The following CNTN5 variants were observed in gnomAD, a reference collection of about 807,000 sequenced individuals.
CNTN5 encodes the protein contactin-5.
In CNTN5, 77 loss-of-function variants were observed where a neutral mutation model predicts 129.1. The ratio of observed to expected loss-of-function variants is 0.60; its 90% CI spans 0.50 to 0.72. The LOEUF (loss-of-function observed/expected upper bound fraction) is 0.72. Ranked by LOEUF, CNTN5 falls within the 30% of genes least tolerant of loss-of-function variation. CNTN5 has a pLI of 0.00. For synonymous variants in CNTN5, 509 were observed against 465.6 expected (o/e 1.09, Z -1.20); for missense variants, 1,478 against 1,328.8 (o/e 1.11, Z -1.75).
At chr11:99,707,516 TAATAACAAACTAAAAATCAA>T (rs1165731329) in intron 3 of CNTN5, among the ~76,000 whole-genome samples, 1 of 151,736 alleles carries the variant, frequency 6.6e-6, no homozygotes, top group Admixed American at 6.6e-5. Flanking sequence ...GGAGTGAAGA[TAATAACAAACTAAAAATCAA>T]AATATCTAGG....
intron 3 of CNTN5, among the ~76,000 whole-genome samples, chr11:99,801,881 T>C (rs1029684716): frequency 1.3e-5 from 2 of 152,216 alleles, no homozygotes; most frequent in South Asian, 4.1e-4. Context: ...CTTTGGACTT[T>C]CTTGCAATCC....
At chr11:99,640,766 T>G (rs1951741381) in intron 3 of CNTN5, among the ~76,000 whole-genome samples, 1 of 152,212 alleles carries the variant, frequency 6.6e-6, no homozygotes, top group Non-Finnish European at 1.5e-5. Context: ...CCTAGGTTTG[T>G]GTAAGTATAC....
intron 7 of CNTN5, among the ~76,000 whole-genome samples, chr11:99,945,211 A>C (rs2136126200): frequency 6.6e-6 from 1 of 152,160 alleles, no homozygotes; most frequent in Middle Eastern, 3.4e-3. Context: ...GAGTAAAACT[A>C]CTCCTAAACT....
chr11:100,315,776 T>C (rs1261176925), intron 21 of CNTN5, among the ~76,000 whole-genome samples: 1 of 152,190 alleles, frequency 6.6e-6, no homozygotes, highest in Non-Finnish European at 1.5e-5. Flanking sequence ...CAACATCCGC[T>C]TAGAACCACC....
chr11:100,278,108 T>A (rs1020255636), intron 18 of CNTN5, among the ~76,000 whole-genome samples: 3 of 152,090 alleles, frequency 2.0e-5, no homozygotes, highest in Non-Finnish European at 2.9e-5. Context: ...TTATTGGAAA[T>A]AAGTTCATTG....
chr11:99,088,984 AAC>A (rs1003675644), intron 1 of CNTN5, among the ~76,000 whole-genome samples: 7 of 152,136 alleles, frequency 4.6e-5, no homozygotes, highest in Non-Finnish European at 7.4e-5. Context: ...TCAACACAAA[AAC>A]ACAACTTCTG....
intron 3 of CNTN5, among the ~76,000 whole-genome samples, chr11:99,795,622 C>G: frequency 7.6e-6 from 1 of 131,812 alleles, no homozygotes. Context: ...TCCTTGTGTT[C>G]TTTAAATCAT....
rs540516111 is a variant in CNTN5 at position 99,050,309 on chromosome 11, G to T, written c.-210+29039G>T. Among the ~76,000 whole-genome samples, 268 of 152,092 alleles carry T rather than the reference G, an allele frequency of 1.8e-3. 1 individual carries two copies. The highest frequency in any genetic ancestry group is 6.2e-3 in the African/African-American group (258 of 41,522). ...GAAAGGCAAACTAAAGTGATTTGTG[G>T]ATTTGTTTATGTTTTAGGGTAAAGA... On this transcript the variant is annotated intron_variant, in intron 1 of 24. Transcript: ENST00000524871.
chr11:99,583,598 C>T (rs374561237), intron 3 of CNTN5, among the ~76,000 whole-genome samples: 104 of 152,332 alleles, frequency 6.8e-4, no homozygotes, highest in African/African-American at 2.2e-3. Context: ...ATGAGCGAGG[C>T]TCCGTGGGTG....
At chr11:99,102,148 C>T (rs1170188248) in intron 1 of CNTN5, among the ~76,000 whole-genome samples, 2 of 152,120 alleles carry the variant, frequency 1.3e-5, no homozygotes, top group Non-Finnish European at 2.9e-5. Context: ...TTTGCCATGG[C>T]TAGAGTGGCT....
chr11:99,961,907 C>G (rs1431305204), intron 8 of CNTN5, among the ~76,000 whole-genome samples: 1 of 152,154 alleles, frequency 6.6e-6, no homozygotes, highest in Non-Finnish European at 1.5e-5. Context: ...ACCAATTCTT[C>G]AGACACAGCA....
intron 15 of CNTN5, among the ~76,000 whole-genome samples, chr11:100,202,466 T>A (rs1948804441): frequency 6.6e-6 from 1 of 151,526 alleles, no homozygotes; most frequent in African/African-American, 2.4e-5. Flanking sequence ...TTTTCAAGTA[T>A]TTATACATTT....
intron 24 of CNTN5, among the ~76,000 whole-genome samples, chr11:100,352,900 A>G (rs1433570566): frequency 1.3e-5 from 2 of 151,702 alleles, no homozygotes; most frequent in Non-Finnish European, 3.0e-5. Flanking sequence ...TCAGATTCCT[A>G]GACAACAATA....
chr11:99,036,077 T>C (rs1032762393), intron 1 of CNTN5, among the ~76,000 whole-genome samples: 2 of 152,166 alleles, frequency 1.3e-5, no homozygotes, highest in Non-Finnish European at 1.5e-5. Flanking sequence ...ATTCTTTTCT[T>C]TGAGAATGTT....
chr11:99,965,819 T>C (rs1951079181), intron 8 of CNTN5, among the ~76,000 whole-genome samples: 2 of 152,190 alleles, frequency 1.3e-5, no homozygotes, highest in Non-Finnish European at 2.9e-5. Flanking sequence ...TCTAAGGACT[T>C]GCTATTCAAA....
chr11:99,378,700 G>C (rs1177632189), intron 2 of CNTN5, among the ~76,000 whole-genome samples: 2 of 151,984 alleles, frequency 1.3e-5, no homozygotes, highest in Non-Finnish European at 2.9e-5. Context: ...GTACTCTGTA[G>C]TATGGATGAC....
At chr11:99,851,861 G>C (rs1337677335) in intron 6 of CNTN5, among the ~76,000 whole-genome samples, 2 of 151,910 alleles carry the variant, frequency 1.3e-5, no homozygotes, top group African/African-American at 4.8e-5. Context: ...TACTTCTCTG[G>C]CTTTTTTCAT....
At chr11:99,789,616 A>G (rs1010827732) in intron 3 of CNTN5, among the ~76,000 whole-genome samples, 69 of 151,964 alleles carry the variant, frequency 4.5e-4, no homozygotes, top group Middle Eastern at 3.2e-3. Flanking sequence ...AATTCTTAAA[A>G]CATTGCTTCC....
intron 3 of CNTN5, among the ~76,000 whole-genome samples, chr11:99,667,535 C>A (rs887792359): frequency 4.6e-5 from 7 of 152,010 alleles, no homozygotes; most frequent in South Asian, 2.1e-4. Flanking sequence ...TGGTGTTTGA[C>A]CCATAGTGAG....
Sources: gnomAD v4.1 joint callset for allele counts (sites outside exome capture counted in the v4.1 genomes callset) on GRCh38, gnomAD v4.1.1 for gene constraint, MANE v1.5 for transcripts, NCBI Gene and HGNC (gene_info 2026-07-23, HGNC 2026-07-21) for gene names.